Variants in IKBKB observed in about 807,000 individuals in gnomAD.
IKBKB encodes the protein inhibitor of nuclear factor kappa-B kinase subunit beta.
In IKBKB, 42 loss-of-function variants were observed where a neutral mutation model predicts 113.6. That is an observed-to-expected ratio of 0.37 (90% confidence interval 0.29 to 0.48). The LOEUF (loss-of-function observed/expected upper bound fraction) is 0.48. Among genes scored for constraint, IKBKB ranks in the 20% least tolerant of loss-of-function variants. The pLI, the probability that IKBKB is intolerant of heterozygous loss-of-function variation, is 0.99. For synonymous variants in IKBKB, 296 were observed against 361.3 expected (o/e 0.82, Z 2.05); for missense variants, 673 against 939.7 (o/e 0.72, Z 3.71).
chr8:42,316,417 G>T lies in IKBKB; in HGVS notation c.930+78G>T. On this transcript the variant is annotated intron_variant, in intron 10 of 21. Coordinates refer to ENST00000520810, the MANE Select transcript of IKBKB (RefSeq NM_001556.3). This position sits in a 1 kb window ranked among gnomAD's most constrained non-coding sequence, Gnocchi z 4.5. ...ACATGCAGTTCTTAGGACAGAGCAG[G>T]GGATGGGGCCAGCTGACCTAGTGAG... The T allele has an allele frequency of 6.4e-7, 1 of 1,556,412 alleles. No individual in the cohort carries two copies. Among genetic ancestry groups the T allele is most frequent in the Non-Finnish European group, 8.8e-7 (1 of 1,140,314 alleles).
intron 2 of IKBKB, among the ~76,000 whole-genome samples, chr8:42,284,468 G>C (rs893484815): frequency 1.3e-5 from 2 of 151,998 alleles, no homozygotes; most frequent in African/African-American, 2.4e-5. Flanking sequence ...TGTAGTCCCA[G>C]CTACTAGGGA....
chr8:42,317,063 G>C (rs1266905199), intron 11 of IKBKB, 159 bp downstream of exon 11: 2 of 726,382 alleles, frequency 2.8e-6, no homozygotes, highest in Admixed American at 2.0e-5. Context: ...GGTGTCCTCT[G>C]TGTGGCCTGA....
intron 5 of IKBKB, among the ~76,000 whole-genome samples, chr8:42,299,017 A>T (rs1563325927): frequency 6.6e-6 from 1 of 151,652 alleles, no homozygotes; most frequent in Non-Finnish European, 1.5e-5. Context: ...TTCTCACCAT[A>T]TTGTTCCCAG....
chr8:42,278,767 G>A (rs1393654294), intron 2 of IKBKB, among the ~76,000 whole-genome samples: 1 of 152,196 alleles, frequency 6.6e-6, no homozygotes, highest in Non-Finnish European at 1.5e-5. Context: ...AGCAGAGGCA[G>A]GTGGATCACC....
chr8:42,286,640 A>AT (rs946378392), intron 2 of IKBKB, among the ~76,000 whole-genome samples: 20 of 152,210 alleles, frequency 1.3e-4, no homozygotes, highest in East Asian at 7.7e-4. Context: ...TAATTTATGC[A>AT]TTTTTTTGTA....
intron 13 of IKBKB, 36 bp downstream of exon 13, chr8:42,318,711 T>A: frequency 6.4e-7 from 1 of 1,561,866 alleles, no homozygotes; most frequent in Admixed American, 1.9e-5. Context: ...ACTTAATTTA[T>A]TTAAAATTCC....
At chr8:42,328,929 CAT>C (rs1821304955) in intron 20 of IKBKB, among the ~76,000 whole-genome samples, 193 bp from the exon 21 acceptor site, 1 of 152,134 alleles carries the variant, frequency 6.6e-6, no homozygotes, top group Non-Finnish European at 1.5e-5. Flanking sequence ...CAGTAACGCT[CAT>C]ATGTGGAAAG....
intron 20 of IKBKB, among the ~76,000 whole-genome samples, chr8:42,328,236 C>T (rs113794465): frequency 1.3e-5 from 2 of 151,074 alleles, no homozygotes; most frequent in East Asian, 1.9e-4. Context: ...CGTGAGCCAC[C>T]GCACCCGGCC....
intron 5 of IKBKB, chr8:42,298,253 T>G (rs1275179261): frequency 1.0e-6 from 1 of 985,288 alleles, no homozygotes; most frequent in Non-Finnish European, 1.2e-6. Flanking sequence ...GGCCTGGGTC[T>G]TATCAGATCT....
intron 15 of IKBKB, 99 bp downstream of exon 15, chr8:42,319,745 A>G (rs1322510913): frequency 9.7e-7 from 1 of 1,027,214 alleles, no homozygotes; most frequent in Non-Finnish European, 1.4e-6. Flanking sequence ...ATCTCTGTCA[A>G]AAATCAGGTG....
At chr8:42,307,752 T>C (rs934436274) in intron 7 of IKBKB, among the ~76,000 whole-genome samples, 1 of 152,138 alleles carries the variant, frequency 6.6e-6, no homozygotes, top group Non-Finnish European at 1.5e-5. Flanking sequence ...CCCCATGCTC[T>C]AACCAGGAGC....
chr8:42,280,323 C>G (rs372566610), intron 2 of IKBKB, among the ~76,000 whole-genome samples: 1 of 152,164 alleles, frequency 6.6e-6, no homozygotes, highest in African/African-American at 2.4e-5. Flanking sequence ...CACATTGTGT[C>G]GGGACTCCCT....
At chr8:42,297,198 C>T (rs889746637) in intron 5 of IKBKB, among the ~76,000 whole-genome samples, 1 of 152,188 alleles carries the variant, frequency 6.6e-6, no homozygotes, top group South Asian at 2.1e-4. Flanking sequence ...TTACTTTTAT[C>T]CCTGTTTCTG....
chr8:42,291,463 G>A (rs759917601), intron 4 of IKBKB, among the ~76,000 whole-genome samples: 10 of 152,220 alleles, frequency 6.6e-5, no homozygotes, highest in Non-Finnish European at 1.3e-4. Context: ...TTACAGGTGT[G>A]AGCCACTGCG....
In IKBKB at chr8:42,284,195, G is replaced by A. The variant is rs140411635; in HGVS notation, c.106-4439G>A. Among the ~76,000 whole-genome samples, 638 of 152,278 alleles carry A rather than the reference G, an allele frequency of 4.2e-3. 6 individuals carry two copies. Among genetic ancestry groups the A allele is most frequent in the African/African-American group, 0.013 (532 of 41,538 alleles). Reference sequence around the variant, plus strand: ...CAAGGCATCATCATAGGGTGAAGGCGAAAGGGCAAGAGACAAAAGGGACCA... The same window carrying A: ...CAAGGCATCATCATAGGGTGAAGGCAAAAGGGCAAGAGACAAAAGGGACCA... On this transcript the variant is annotated intron_variant, in intron 2 of 21. Coordinates refer to ENST00000520810, the MANE Select transcript of IKBKB (RefSeq NM_001556.3).
chr8:42,286,887 G>T (rs1811521147), intron 2 of IKBKB, among the ~76,000 whole-genome samples: 1 of 152,222 alleles, frequency 6.6e-6, no homozygotes. Context: ...GTGCCACCCT[G>T]CAGGTGTGGC....
Position 42,316,107 on chromosome 8 carries a change from A to G in IKBKB, c.801-103A>G, listed in dbSNP as rs1005895115. The G allele has an allele frequency of 4.5e-5, 57 of 1,279,610 alleles. 1 individual carries two copies. Among genetic ancestry groups the G allele is most frequent in the Admixed American group, 1.3e-4 (6 of 44,952 alleles). 79.3% of individuals were successfully genotyped at this position (1,279,610 alleles called of 1,614,324 possible). A position where few individuals can be genotyped will look rare whatever the true frequency, so the allele number is the denominator to read the frequency against. ...TCTGATAAACCCATTTTCATTTTCA[A>G]TCACCGTCTACTGGCTGCCGTCTGT... is the stretch of plus-strand genomic sequence containing the variant. On this transcript the variant is annotated intron_variant, in intron 9 of 21. Transcript: ENST00000520810. This position sits in a 1 kb window ranked among gnomAD's most constrained non-coding sequence, Gnocchi z 4.5.
chr8:42,321,557 TG>T lies in IKBKB; in HGVS notation c.1689-338del, dbSNP rs1819788537. ...TTTTTTAAGAGACAGGGTCTTGCCC[TG>T]TTGCCAATGCTGGAGTGCAGTGGCA... On this transcript the variant is annotated intron_variant, in intron 16 of 21. Transcript: ENST00000520810. 3 of 235,414 alleles carry T rather than the reference TG, an allele frequency of 1.3e-5. No individual in the cohort carries two copies. The Admixed American group carries it at 1.5e-4, about 12-fold the overall frequency. 14.6% of individuals were successfully genotyped at this position (235,414 alleles called of 1,614,324 possible).
At chr8:42,292,451 G>A (rs1812835737) in intron 4 of IKBKB, among the ~76,000 whole-genome samples, 1 of 152,208 alleles carries the variant, frequency 6.6e-6, no homozygotes, top group African/African-American at 2.4e-5. Flanking sequence ...CAGCGGGGTT[G>A]GGGGAGGACA....
Sources: allele counts gnomAD v4.1 joint callset (sites outside exome capture counted in the v4.1 genomes callset), GRCh38; gene constraint gnomAD v4.1.1; non-coding constraint Gnocchi (gnomAD v3.1); transcripts MANE v1.5; gene names NCBI Gene and HGNC (gene_info 2026-07-23, HGNC 2026-07-21).